The following VGLL4 variants were observed in gnomAD, a reference collection of about 807,000 sequenced individuals.
The protein encoded by VGLL4 is vestigial like family member 4, also known as transcription cofactor vestigial-like protein 4.
In VGLL4, 7 loss-of-function variants were observed where a neutral mutation model predicts 21.0. The ratio of observed to expected loss-of-function variants is 0.33; its 90% CI spans 0.19 to 0.63. The LOEUF (loss-of-function observed/expected upper bound fraction) is 0.63, where lower values mean the gene tolerates loss of function less well. Ranked by LOEUF, VGLL4 falls within the 20% of genes least tolerant of loss-of-function variation. VGLL4 has a pLI of 0.78. For synonymous variants in VGLL4, 222 were observed against 173.2 expected (o/e 1.28, Z -2.21); for missense variants, 394 against 425.7 (o/e 0.93, Z 0.66).
intron 1 of VGLL4, among the ~76,000 whole-genome samples, chr3:11,606,192 CTACCACGGG>C (rs934549737): frequency 9.9e-5 from 15 of 152,278 alleles, no homozygotes; most frequent in Admixed American, 5.2e-4. Flanking sequence ...GTGAGACTTA[CTACCACGGG>C]TACAGTATGG....
intron 2 of VGLL4, among the ~76,000 whole-genome samples, chr3:11,567,123 G>A (rs562898494): frequency 6.6e-6 from 1 of 152,144 alleles, no homozygotes; most frequent in African/African-American, 2.4e-5. Context: ...ATGTCATTCT[G>A]CGCCATCTCC....
At chr3:11,614,647 C>G (rs1300990673) in intron 1 of VGLL4, among the ~76,000 whole-genome samples, 1 of 152,182 alleles carries the variant, frequency 6.6e-6, no homozygotes, top group Non-Finnish European at 1.5e-5. Context: ...CACTGTATTC[C>G]TTACTATTGC....
chr3:11,686,734 T>C (rs1559944591), intron 2 of VGLL4, among the ~76,000 whole-genome samples: 2 of 152,230 alleles, frequency 1.3e-5, no homozygotes. Flanking sequence ...TTTGTCCCTA[T>C]GACATATAAA....
chr3:11,658,416 A>G (rs1333177771), intron 2 of VGLL4, among the ~76,000 whole-genome samples: 39 of 151,948 alleles, frequency 2.6e-4, no homozygotes, highest in Admixed American at 2.5e-3. Context: ...ACCACAAAGG[A>G]AAGGTACACC....
chr3:11,665,395 G>C (rs955735720), intron 2 of VGLL4, among the ~76,000 whole-genome samples: 78 of 152,174 alleles, frequency 5.1e-4, no homozygotes, highest in Non-Finnish European at 1.0e-3. Context: ...TTACAGGCCT[G>C]AGCCACCGCG....
intron 2 of VGLL4, among the ~76,000 whole-genome samples, chr3:11,670,170 C>T (rs549029314): frequency 4.6e-5 from 7 of 150,920 alleles, no homozygotes; most frequent in Non-Finnish European, 8.9e-5. Context: ...CGTAAGTCTT[C>T]CCTATCATCC....
intron 2 of VGLL4, among the ~76,000 whole-genome samples, chr3:11,650,584 G>A (rs2125341434): frequency 6.6e-6 from 1 of 152,272 alleles, no homozygotes; most frequent in Admixed American, 6.5e-5. Context: ...GAAAATATGA[G>A]TAACCCTACT....
intron 2 of VGLL4, among the ~76,000 whole-genome samples, chr3:11,596,532 G>A (rs2074646316): frequency 6.6e-6 from 1 of 152,182 alleles, no homozygotes; most frequent in African/African-American, 2.4e-5. Context: ...AACGGGGAGG[G>A]CGAGGAGGAG....
At chr3:11,570,978 C>T (rs1365105164) in intron 2 of VGLL4, among the ~76,000 whole-genome samples, 1 of 152,130 alleles carries the variant, frequency 6.6e-6, no homozygotes, top group African/African-American at 2.4e-5. Flanking sequence ...CTCCTCTGTG[C>T]CAATTTTAGA....
At chr3:11,627,230 A>ACACACACACTCTCTCT (rs1491347863) in intron 1 of VGLL4, 50 of 123,318 alleles carry the variant, frequency 4.1e-4, no homozygotes, top group African/African-American at 1.6e-3. Flanking sequence ...ACACACACAC[A>ACACACACACTCTCTCT]CTCTCTCTCT....
intron 1 of VGLL4, among the ~76,000 whole-genome samples, chr3:11,709,513 T>C (rs1194475485): frequency 2.0e-5 from 3 of 151,748 alleles, no homozygotes; most frequent in Non-Finnish European, 2.9e-5. Context: ...GTTTCTGGTC[T>C]ATCTATTCAC....
intron 2 of VGLL4, among the ~76,000 whole-genome samples, chr3:11,690,441 A>G (rs2076510818): frequency 6.6e-6 from 1 of 152,216 alleles, no homozygotes; most frequent in African/African-American, 2.4e-5. Context: ...ATGCCTAAAT[A>G]CTTTTTTCTA....
chr3:11,559,429 G>A lies in VGLL4; in HGVS notation c.522C>T (p.Ala174=). ...QQNRPSVITC[A]SAGARNCNLS... Reference sequence around the variant, plus strand: ...GGTTGCAGTTGCGGGCGCCAGCCGAGGCACAGGTGATCACGGAGGGCCGGT... The same window carrying A: ...GGTTGCAGTTGCGGGCGCCAGCCGAAGCACAGGTGATCACGGAGGGCCGGT... The change falls in exon 4 of 5, where the codon GCC becomes GCT. Residue 174 remains alanine, a synonymous_variant. Coordinates refer to ENST00000430365, the MANE Select transcript of VGLL4 (RefSeq NM_001128219.3). 3 of 1,567,372 alleles carry A rather than the reference G, an allele frequency of 1.9e-6. No homozygotes were observed. The highest frequency in any genetic ancestry group is 2.6e-6 in the Non-Finnish European group (3 of 1,156,898).
At chr3:11,627,230 A>ACTCTCTCTCTCTCTCT (rs1221460234) in intron 1 of VGLL4, 1 of 123,270 alleles carries the variant, frequency 8.1e-6, no homozygotes, top group African/African-American at 3.3e-5. Flanking sequence ...ACACACACAC[A>ACTCTCTCTCTCTCTCT]CTCTCTCTCT....
At position 11,589,424 on chromosome 3, in the gene VGLL4, G is replaced by A. The variant is rs534850469; in HGVS notation, c.272+12409C>T. Among the ~76,000 whole-genome samples the A allele has an allele frequency of 2.0e-5, 3 of 152,132 alleles. No homozygotes were observed. In the South Asian group the frequency reaches 6.2e-4, roughly 31 times the overall value. On this transcript the variant is annotated intron_variant, in intron 2 of 4. Transcript: ENST00000430365. ...TGGCACCCAGCAGCCCCAAGTCACG[G>A]AATTAAACACCATTTCATGTTCATA...
intron 2 of VGLL4, among the ~76,000 whole-genome samples, chr3:11,701,131 C>T (rs2076675366): frequency 6.6e-6 from 1 of 152,062 alleles, no homozygotes; most frequent in Admixed American, 6.5e-5. Context: ...TGATCCCCAA[C>T]GTTGGAAGCA....
At position 11,557,013 on chromosome 3, in the gene VGLL4, T is replaced by C. The variant is rs2072487372; in HGVS notation, c.*1543A>G. The C allele has an allele frequency of 6.6e-6, 1 of 152,506 alleles. No homozygotes were observed. Among genetic ancestry groups the C allele is most frequent in the Non-Finnish European group, 1.5e-5 (1 of 68,048 alleles). The allele number at this position is 152,506 out of a possible 1,614,324, so 9.4% of individuals were successfully genotyped here. On this transcript the variant is annotated 3_prime_UTR_variant, in exon 5 of 5. Coordinates refer to ENST00000430365, the MANE Select transcript of VGLL4 (RefSeq NM_001128219.3). ...CTAAAAACTGTAAAACCGGGGGTCA[T>C]ACGGTGTGCAGAGTCCACAAAGCCT...
At position 11,568,885 on chromosome 3, in the gene VGLL4, G is replaced by GGCCCC; in HGVS notation, c.273-3871_273-3867dup. 7.5e-7 allele frequency: 1 copy of GGCCCC among 1,335,510 alleles called. No homozygotes were observed. 82.7% of individuals were successfully genotyped at this position (1,335,510 alleles called of 1,614,324 possible). A position where few individuals can be genotyped will look rare whatever the true frequency, so the allele number is the denominator to read the frequency against. ...GAGCCGCTGAGGCTGCACGGCACCC[G>GGCCCC]GCCCCGCCCCGGGCCTCATCCCCAT... On this transcript the variant is annotated intron_variant, in intron 2 of 4. Coordinates refer to ENST00000430365, the MANE Select transcript of VGLL4 (RefSeq NM_001128219.3). The surrounding 1 kb of genome is among the most constrained non-coding windows in gnomAD (Gnocchi z 5.9).
chr3:11,573,548 C>T (rs1336631728), intron 2 of VGLL4, among the ~76,000 whole-genome samples: 1 of 152,234 alleles, frequency 6.6e-6, no homozygotes. Context: ...ATCCACTTTG[C>T]TGTCCCTCCG....
Sources: allele counts gnomAD v4.1 joint callset (sites outside exome capture counted in the v4.1 genomes callset), GRCh38; gene constraint gnomAD v4.1.1; non-coding constraint Gnocchi (gnomAD v3.1); transcripts MANE v1.5; gene names NCBI Gene and HGNC (gene_info 2026-07-23, HGNC 2026-07-21).